Variants in PMPCB observed in about 807,000 individuals in gnomAD.
PMPCB encodes the protein mitochondrial-processing peptidase subunit beta.
Under a neutral mutation model 61.5 loss-of-function variants are expected in PMPCB, and 46 were observed. The observed-to-expected ratio is 0.75, with a 90% CI of 0.59 to 0.96. PMPCB has a LOEUF of 0.96. Ranked by LOEUF, PMPCB falls within the 40% of genes least tolerant of loss-of-function variation. The pLI, the probability that PMPCB is intolerant of heterozygous loss-of-function variation, is 0.00. For synonymous variants in PMPCB, 191 were observed against 201.6 expected (o/e 0.95, Z 0.44); for missense variants, 590 against 602.4 (o/e 0.98, Z 0.22).
At chr7:103,328,730 G>A (rs568159376) in intron 12 of PMPCB, among the ~76,000 whole-genome samples, 60 of 151,988 alleles carry the variant, frequency 3.9e-4, no homozygotes, top group Middle Eastern at 3.4e-3. Flanking sequence ...CATTTTCCAT[G>A]GTTTTTTCCT....
rs1337335340 is a variant in PMPCB at position 103,309,107 on chromosome 7, T to C, written c.993+12T>C. Reference sequence around the variant, plus strand: ...TTGGGGGAGGAATGGTAAGTGATTTTAAAAGAAATTTTCCATAACAGATGG... The same window carrying C: ...TTGGGGGAGGAATGGTAAGTGATTTCAAAAGAAATTTTCCATAACAGATGG... On this transcript the variant is annotated intron_variant, in intron 8 of 12. Transcript: ENST00000249269. The C allele has an allele frequency of 6.3e-7, 1 of 1,579,574 alleles. No homozygotes were observed. Among genetic ancestry groups the C allele is most frequent in the Non-Finnish European group, 8.6e-7 (1 of 1,165,360 alleles).
chr7:103,299,779 A>G (rs1183246411), intron 3 of PMPCB, among the ~76,000 whole-genome samples: 1 of 151,976 alleles, frequency 6.6e-6, no homozygotes, highest in African/African-American at 2.4e-5. Context: ...TTTTTTATTT[A>G]ATTTTTTTTG....
At chr7:103,327,590 C>T in intron 12 of PMPCB, 6 of 1,088,886 alleles carry the variant, frequency 5.5e-6, no homozygotes, top group East Asian at 4.8e-5. Context: ...CATAAGAAAC[C>T]CAATCCCAGC....
rs2115759062 is a variant in PMPCB, at chr7:103,314,474, C to G, written c.*2203C>G. 5 of 985,382 alleles carry G rather than the reference C, an allele frequency of 5.1e-6. No homozygotes were observed. The highest frequency in any genetic ancestry group is 6.0e-6 in the Non-Finnish European group (5 of 829,898). 61.0% of individuals were successfully genotyped at this position (985,382 alleles called of 1,614,324 possible). A position where few individuals can be genotyped will look rare whatever the true frequency, so the allele number is the denominator to read the frequency against. On this transcript the variant is annotated 3_prime_UTR_variant, in exon 13 of 13. Coordinates refer to ENST00000249269, the MANE Select transcript of PMPCB (RefSeq NM_004279.3). The stretch of plus-strand genomic sequence containing the variant: ...CAGGGTCACCTCTCCTCACAGAAAG[C>G]AGACTGGACAAATATCAGGGCCCAC...
chr7:103,322,716 T>C, intron 12 of PMPCB: 1 of 1,612,482 alleles, frequency 6.2e-7, no homozygotes, highest in Non-Finnish European at 8.5e-7. Context: ...CTAATGTTCT[T>C]ATTCTGTTCA....
the PMPCB span, among the ~76,000 whole-genome samples, chr7:103,338,275 T>C: frequency 6.6e-6 from 1 of 150,538 alleles, no homozygotes; most frequent in South Asian, 2.1e-4. Flanking sequence ...GTCTTTTTTT[T>C]TTTTTTTTTA....
chr7:103,312,747 T>C lies in PMPCB; in HGVS notation c.*476T>C. The C allele has an allele frequency of 3.9e-6, 6 of 1,539,036 alleles. No homozygotes were observed. Among genetic ancestry groups the C allele is most frequent in the Non-Finnish European group, 5.2e-6 (6 of 1,151,976 alleles). ...TTCAAGCAACTAAGATAGATAGTACTAAATATACTGATTTCATTATCTGCC... is the reference window on the plus strand; with the variant it reads ...TTCAAGCAACTAAGATAGATAGTACCAAATATACTGATTTCATTATCTGCC... On this transcript the variant is annotated 3_prime_UTR_variant, in exon 13 of 13. Coordinates refer to ENST00000249269, the MANE Select transcript of PMPCB (RefSeq NM_004279.3).
chr7:103,316,969 C>T (rs750698825), downstream of PMPCB: 2 of 1,613,938 alleles, frequency 1.2e-6, no homozygotes, highest in South Asian at 2.2e-5. Flanking sequence ...ATACGAGCCT[C>T]AGCTTCCTCT....
At position 103,312,089 on chromosome 7, in the gene PMPCB, A is replaced by G. The variant is rs1354506354; in HGVS notation, c.1363A>G (p.Thr455Ala). The change falls in exon 12 of 13, where the codon ACC (threonine) becomes GCC (alanine). Residue 455 changes from threonine (T) to alanine (A), a missense_variant. Thr to Ala is a moderately conservative substitution (Grantham distance 58). Transcript: ENST00000249269. ...TGCTGAGACAATTCGAGAAGTATGTACCAAATACATTTATAATAGGAGTCC... is the reference window on the plus strand; with the variant it reads ...TGCTGAGACAATTCGAGAAGTATGTGCCAAATACATTTATAATAGGAGTCC... ...VNAETIREVC[T>A]KYIYNRSPAI... is the part of the protein sequence containing the mutation. The G allele has an allele frequency of 6.2e-7, 1 of 1,613,934 alleles. No individual in the cohort carries two copies. Among genetic ancestry groups the G allele is most frequent in the African/African-American group, 1.3e-5 (1 of 74,926 alleles).
chr7:103,299,351 G>C (rs1304420125), intron 2 of PMPCB, 92 bp from the exon 3 acceptor site: 1 of 712,746 alleles, frequency 1.4e-6, no homozygotes, highest in Non-Finnish European at 2.4e-6. Flanking sequence ...GTTAAGACCA[G>C]AAAGCATTTG....
intron 12 of PMPCB, among the ~76,000 whole-genome samples, chr7:103,328,714 C>T (rs969712454): frequency 1.3e-5 from 2 of 152,044 alleles, no homozygotes; most frequent in African/African-American, 2.4e-5. Flanking sequence ...CACATTATAG[C>T]GTTTGCATTT....
chr7:103,307,700 G>C lies in PMPCB; in HGVS notation c.841G>C (p.Gly281Arg). ...AGCTCTGCCTCCCTGCAAATTCACA[G>C]GAAGTGAGGTAGGGCAAGCCTTCCA... Reference protein sequence around the residue: ...IPALPPCKFTGSEIRVRDDKM... With the variant: ...IPALPPCKFTRSEIRVRDDKM... The change falls in exon 7 of 13, where the codon GGA (glycine) becomes CGA (arginine). Residue 281 changes from glycine (G) to arginine (R), a missense_variant. Gly to Arg is a moderately radical substitution (Grantham distance 125). Coordinates refer to ENST00000249269, the MANE Select transcript of PMPCB (RefSeq NM_004279.3). 2 of 1,589,944 alleles carry C rather than the reference G, an allele frequency of 1.3e-6. No homozygotes were observed. Among genetic ancestry groups the C allele is most frequent in the East Asian group, 4.5e-5 (2 of 44,724 alleles).
At position 103,312,475 on chromosome 7, in the gene PMPCB, A is replaced by G. The variant is rs1421203900; in HGVS notation, c.*204A>G. On this transcript the variant is annotated 3_prime_UTR_variant, in exon 13 of 13. Transcript: ENST00000249269. ...TGAGAAATTATGTTGGAAGCAGCAT[A>G]CTTTCAAATTATTACCATGAGTATA... 9 of 1,553,054 alleles carry G rather than the reference A, an allele frequency of 5.8e-6. No individual in the cohort carries two copies. Among genetic ancestry groups the G allele is most frequent in the African/African-American group, 2.8e-5 (2 of 72,264 alleles).
At chr7:103,337,818 A>G in the PMPCB span, 1 of 1,611,158 alleles carries the variant, frequency 6.2e-7, no homozygotes, top group Non-Finnish European at 8.5e-7. Context: ...GGTTCTGGAA[A>G]AAAAACACAA....
At chr7:103,341,398 G>A in the PMPCB span, among the ~76,000 whole-genome samples, 303 of 152,268 alleles carry the variant, frequency 2.0e-3, 1 homozygote, top group African/African-American at 7.1e-3. Flanking sequence ...CATACCGCAT[G>A]TACCCTATAC....
At chr7:103,346,952 T>C in the PMPCB span, among the ~76,000 whole-genome samples, 1 of 152,352 alleles carries the variant, frequency 6.6e-6, no homozygotes, top group South Asian at 2.1e-4. Context: ...ATGCTGCTTA[T>C]GGACATGGAT....
chr7:103,297,648 T>G, intron 1 of PMPCB, 90 bp downstream of exon 1: 1 of 1,574,750 alleles, frequency 6.4e-7, no homozygotes, highest in South Asian at 1.2e-5. Flanking sequence ...ATCCGAACAG[T>G]GGGTCGGGCA....
chr7:103,332,339 T>G (rs1036935378), downstream of PMPCB, among the ~76,000 whole-genome samples: 1 of 152,242 alleles, frequency 6.6e-6, no homozygotes, highest in Non-Finnish European at 1.5e-5. Context: ...TAACTGGTTT[T>G]TCTTTTTCAT....
chr7:103,343,102 C>T, the PMPCB span, among the ~76,000 whole-genome samples: 1 of 151,962 alleles, frequency 6.6e-6, no homozygotes, highest in South Asian at 2.1e-4. Flanking sequence ...CGGGTTCAAA[C>T]GATTCTTCTG....
Sources: gnomAD v4.1 joint callset for allele counts (sites outside exome capture counted in the v4.1 genomes callset) on GRCh38, gnomAD v4.1.1 for gene constraint, MANE v1.5 for transcripts, NCBI Gene and HGNC (gene_info 2026-07-23, HGNC 2026-07-21) for gene names.